Variants in MRPL37 observed in about 807,000 individuals in gnomAD.
The protein encoded by MRPL37 is mitochondrial ribosomal protein L37.
In MRPL37, 34 loss-of-function variants were observed where a neutral mutation model predicts 44.1. The observed-to-expected ratio is 0.77, with a 90% CI of 0.59 to 1.03. MRPL37 has a LOEUF of 1.03. Among genes scored for constraint, MRPL37 ranks in the 50% least tolerant of loss-of-function variants. The pLI is 0.00. For synonymous variants in MRPL37, 212 were observed against 219.5 expected, an observed-to-expected ratio of 0.97 and a Z score of 0.30; for missense variants, 532 against 543.7, an observed-to-expected ratio of 0.98 and a Z score of 0.21.
downstream of MRPL37, among the ~76,000 whole-genome samples, chr1:54,220,085 G>A (rs1306808679): frequency 6.6e-6 from 1 of 152,060 alleles, no homozygotes; most frequent in Non-Finnish European, 1.5e-5. Flanking sequence ...ACAACACTCT[G>A]TTGGGAGTAC....
chr1:54,208,703 C>T (rs1644142660), intron 3 of MRPL37, among the ~76,000 whole-genome samples: 1 of 152,158 alleles, frequency 6.6e-6, no homozygotes, highest in African/African-American at 2.4e-5. Flanking sequence ...GACTTTTGCA[C>T]ATTATTCCTC....
intron 5 of MRPL37, among the ~76,000 whole-genome samples, chr1:54,213,549 G>C (rs1219908036): frequency 1.3e-5 from 2 of 151,870 alleles, no homozygotes; most frequent in Non-Finnish European, 2.9e-5. Context: ...CATTTATTTA[G>C]GGTTTTTATT....
At chr1:54,201,685 A>G (rs1392644288) in intron 1 of MRPL37, among the ~76,000 whole-genome samples, 7 of 152,320 alleles carry the variant, frequency 4.6e-5, no homozygotes, top group African/African-American at 9.6e-5. Flanking sequence ...TAGGGTAGAC[A>G]TACTCAGATT....
At chr1:54,205,238 G>C in intron 2 of MRPL37, 37 bp downstream of exon 2, 1 of 1,607,536 alleles carries the variant, frequency 6.2e-7, no homozygotes, top group South Asian at 1.1e-5. Context: ...TCCTACTAAT[G>C]GATCTTCGAG....
downstream of MRPL37, among the ~76,000 whole-genome samples, chr1:54,224,774 T>C (rs1644263090): frequency 6.6e-6 from 1 of 152,072 alleles, no homozygotes; most frequent in Non-Finnish European, 1.5e-5. Context: ...ACCCTAGCCC[T>C]CAGCATTTCT....
At chr1:54,219,834 CCTTT>C (rs1644221201), downstream of MRPL37, among the ~76,000 whole-genome samples, 1 of 152,214 alleles carries the variant, frequency 6.6e-6, no homozygotes, top group Non-Finnish European at 1.5e-5. Context: ...TTCTGCACTT[CCTTT>C]TTCACCTGAT....
Position 54,209,983 on chromosome 1 carries a change from C to T in MRPL37, c.684C>T (p.Ala228=). The change falls in exon 4 of 7, where the codon GCC becomes GCT. Residue 228 remains alanine, a synonymous_variant. Transcript: ENST00000360840. ...LLLQVRGSGG[A]RLSTKDPLPT... is the part of the protein sequence containing the mutation. ...TTCAAGTCCGTGGTTCTGGTGGAGC[C>T]CGACTGAGCACTAAGGATCCTCTGC... is the stretch of plus-strand genomic sequence containing the variant. The T allele has an allele frequency of 6.2e-7, 1 of 1,614,104 alleles. No homozygotes were observed. Among genetic ancestry groups the T allele is most frequent in the Non-Finnish European group, 8.5e-7 (1 of 1,180,028 alleles).
downstream of MRPL37, chr1:54,225,296 AAAG>A (rs1373842568): frequency 1.2e-5 from 15 of 1,234,158 alleles, no homozygotes; most frequent in East Asian, 4.7e-4. Context: ...AGGCCCAGGA[AAAG>A]AAGGCAGACG....
At chr1:54,218,768 G>A (rs1471449063), downstream of MRPL37, among the ~76,000 whole-genome samples, 1 of 152,192 alleles carries the variant, frequency 6.6e-6, no homozygotes, top group African/African-American at 2.4e-5. Context: ...GCTGGTCTCT[G>A]TCCAAATAAT....
At chr1:54,222,447 C>T (rs1644242921), downstream of MRPL37, among the ~76,000 whole-genome samples, 1 of 152,060 alleles carries the variant, frequency 6.6e-6, no homozygotes, top group African/African-American at 2.4e-5. Context: ...CCTTCCATGC[C>T]CTGCAGCTAT....
chr1:54,205,038 C>G lies in MRPL37; in HGVS notation c.367C>G (p.Leu123Val), dbSNP rs1644110699. 3 of 1,614,056 alleles carry G rather than the reference C, an allele frequency of 1.9e-6. No individual in the cohort carries two copies. In the African/African-American group the frequency reaches 4.0e-5, roughly 22 times the overall value. ...LLEGVKQALW[L>V]TKTKLIEGLP... The stretch of plus-strand genomic sequence containing the variant: ...CAAAGGTGTAAAGCAGGCCCTCTGG[C>G]TCACCAAGACCAAGTTAATAGAAGG... The change falls in exon 2 of 7, where the codon CTC becomes GTC. Residue 123 changes from leucine (L) to valine (V), a missense_variant. Leu to Val is a conservative substitution (Grantham distance 32). Transcript: ENST00000360840.
At chr1:54,208,191 G>C (rs1299183931) in intron 3 of MRPL37, among the ~76,000 whole-genome samples, 1 of 152,156 alleles carries the variant, frequency 6.6e-6, no homozygotes, top group Non-Finnish European at 1.5e-5. Context: ...TGACTGGCTA[G>C]GGTTTTCTCA....
At chr1:54,201,632 G>A (rs573030732) in intron 1 of MRPL37, among the ~76,000 whole-genome samples, 4 of 152,324 alleles carry the variant, frequency 2.6e-5, no homozygotes, top group Admixed American at 6.5e-5. Context: ...AGGATACAGG[G>A]CTAGAGAAGC....
At chr1:54,206,630 G>A (rs552144213) in intron 3 of MRPL37, among the ~76,000 whole-genome samples, 5 of 152,096 alleles carry the variant, frequency 3.3e-5, no homozygotes, top group South Asian at 2.1e-4. Context: ...GGCTGGTCTC[G>A]AACTCCTGGC....
chr1:54,223,427 G>A (rs1644249684), downstream of MRPL37, among the ~76,000 whole-genome samples: 1 of 152,230 alleles, frequency 6.6e-6, no homozygotes, highest in South Asian at 2.1e-4. Context: ...TGGGACAGCC[G>A]AGACTGGGGC....
intron 5 of MRPL37, 122 bp from the exon 6 acceptor site, chr1:54,216,019 A>G: frequency 9.9e-7 from 1 of 1,005,190 alleles, no homozygotes; most frequent in Non-Finnish European, 1.5e-6. Context: ...TGTCCCAAAG[A>G]GAAGCCATTC....
Position 54,200,240 on chromosome 1 carries a change from C to T in MRPL37, c.-4C>T, listed in dbSNP as rs779814115. Reference sequence around the variant, plus strand: ...GGTGGAGGTCTTGAGGCTATCAGATCGGTATGGCATTGGCGTCCGGGCCCG... The same window carrying T: ...GGTGGAGGTCTTGAGGCTATCAGATTGGTATGGCATTGGCGTCCGGGCCCG... On this transcript the variant is annotated 5_prime_UTR_variant, in exon 1 of 7. Coordinates refer to ENST00000360840, the MANE Select transcript of MRPL37 (RefSeq NM_016491.4). 3.8e-6 allele frequency: 6 copies of T among 1,565,008 alleles called. No individual in the cohort carries two copies. In the African/African-American group the frequency reaches 6.8e-5, roughly 18 times the overall value.
intron 3 of MRPL37, 81 bp downstream of exon 3, chr1:54,205,491 C>G (rs949348517): frequency 8.5e-7 from 1 of 1,170,098 alleles, no homozygotes; most frequent in Non-Finnish European, 1.2e-6. Flanking sequence ...GCTCCCATCC[C>G]CCTGCCCCCA....
Position 54,200,540 on chromosome 1 carries a change from C to T in MRPL37, c.297C>T (p.Tyr99=). Residue 99 remains tyrosine, a synonymous_variant, in exon 1 of 7, where the codon TAC becomes TAT. Coordinates refer to ENST00000360840, the MANE Select transcript of MRPL37 (RefSeq NM_016491.4). ...RSPPLHEHPL[Y]KDQACYIFHH... ...CCCCTCTTCACGAGCATCCGCTGTA[C>T]AAAGACCAGGCCTGCTATATCTTTC... 2 of 1,613,520 alleles carry T rather than the reference C, an allele frequency of 1.2e-6. No individual in the cohort carries two copies. The highest frequency in any genetic ancestry group is 1.7e-6 in the Non-Finnish European group (2 of 1,179,500).
Sources: gnomAD v4.1 joint callset for allele counts (sites outside exome capture counted in the v4.1 genomes callset) on GRCh38, gnomAD v4.1.1 for gene constraint, MANE v1.5 for transcripts, NCBI Gene and HGNC (gene_info 2026-07-23, HGNC 2026-07-21) for gene names.